The following TTC27 variants were observed in gnomAD, a reference collection of about 807,000 sequenced individuals.
The protein encoded by TTC27 is tetratricopeptide repeat domain 27, also known as tetratricopeptide repeat protein 27.
TTC27 carries 79 observed loss-of-function variants against 115.9 expected under a neutral mutation model. The ratio of observed to expected loss-of-function variants is 0.68; its 90% CI spans 0.57 to 0.82. TTC27 has a LOEUF of 0.82. Ranked by LOEUF, TTC27 falls within the 40% of genes least tolerant of loss-of-function variation. The pLI, the probability that TTC27 is intolerant of heterozygous loss-of-function variation, is 0.00. For missense variants in TTC27, 1,054 were observed against 993.1 expected (o/e 1.06, Z -0.82); for synonymous variants, 401 against 356.0 (o/e 1.13, Z -1.42).
chr2:32,808,837 T>G (rs944017536), intron 16 of TTC27, among the ~76,000 whole-genome samples: 6 of 152,230 alleles, frequency 3.9e-5, no homozygotes, highest in Admixed American at 1.3e-4. Flanking sequence ...AGTAACTATT[T>G]TAATAGACCA....
At chr2:32,716,394 G>A (rs576182883) in intron 10 of TTC27, among the ~76,000 whole-genome samples, 136 of 152,186 alleles carry the variant, frequency 8.9e-4, no homozygotes, top group African/African-American at 2.9e-3. Flanking sequence ...GTTCACTCAG[G>A]AGGATTTTAA....
chr2:32,782,594 G>A, intron 14 of TTC27, 32 bp from the exon 15 acceptor site: 17 of 1,598,092 alleles, frequency 1.1e-5, no homozygotes, highest in Non-Finnish European at 1.5e-5. Flanking sequence ...TAAATGAGAA[G>A]AGTTAATTAA....
chr2:32,690,581 A>G (rs1053278966), intron 9 of TTC27, among the ~76,000 whole-genome samples: 1 of 152,200 alleles, frequency 6.6e-6, no homozygotes, highest in African/African-American at 2.4e-5. Context: ...TGAACAACAG[A>G]TAGGGTTTAG....
At chr2:32,702,039 A>T (rs1667204980) in intron 9 of TTC27, among the ~76,000 whole-genome samples, 2 of 151,856 alleles carry the variant, frequency 1.3e-5, no homozygotes, top group Non-Finnish European at 2.9e-5. Context: ...AAACAAAAAA[A>T]ACCAGCTACC....
At chr2:32,660,468 AC>A (rs751534119) in intron 5 of TTC27, among the ~76,000 whole-genome samples, 12 of 152,124 alleles carry the variant, frequency 7.9e-5, no homozygotes, top group Non-Finnish European at 1.5e-4. Flanking sequence ...GAAGCTGGAA[AC>A]CATCATTCTC....
At chr2:32,664,095 T>C (rs1469532754) in intron 5 of TTC27, among the ~76,000 whole-genome samples, 1 of 152,158 alleles carries the variant, frequency 6.6e-6, no homozygotes, top group East Asian at 1.9e-4. Flanking sequence ...GTACATAATG[T>C]CCTTAGCTCA....
At chr2:32,677,180 C>G (rs986414175) in intron 8 of TTC27, among the ~76,000 whole-genome samples, 1 of 152,114 alleles carries the variant, frequency 6.6e-6, no homozygotes, top group Admixed American at 6.6e-5. Flanking sequence ...TGTTTTCTCT[C>G]ATTATTGTAT....
chr2:32,657,330 G>T (rs1559190686), intron 5 of TTC27, among the ~76,000 whole-genome samples: 1 of 150,500 alleles, frequency 6.6e-6, no homozygotes, highest in Non-Finnish European at 1.5e-5. Context: ...CTCTTAAATG[G>T]ACCGTAGAAA....
intron 4 of TTC27, among the ~76,000 whole-genome samples, chr2:32,644,514 G>C (rs984749913): frequency 6.6e-6 from 1 of 152,078 alleles, no homozygotes; most frequent in African/African-American, 2.4e-5. Context: ...AACAACTTTT[G>C]ACTTCTGCTT....
rs777398915 is a variant in TTC27, at chr2:32,801,190, T to C, written c.1999-9834T>C. 9.8e-5 allele frequency among the ~76,000 whole-genome samples: 15 copies of C among 152,318 alleles called. No homozygotes were observed. In the South Asian group the frequency reaches 1.0e-3, roughly 11 times the overall value. On this transcript the variant is annotated intron_variant, in intron 16 of 19. Transcript: ENST00000317907. The stretch of plus-strand genomic sequence containing the variant: ...CTGTCTTAGTCTTTCTGCTTAAAAA[T>C]GCAATGTTAGTTTTCTAGGGCTACA...
chr2:32,772,888 G>C (rs1383550449), intron 13 of TTC27, among the ~76,000 whole-genome samples: 2 of 152,036 alleles, frequency 1.3e-5, no homozygotes, highest in Non-Finnish European at 2.9e-5. Flanking sequence ...TTTTAGCCTA[G>C]TCCACCCCTG....
At chr2:32,659,481 T>G (rs1665454332) in intron 5 of TTC27, among the ~76,000 whole-genome samples, 1 of 152,114 alleles carries the variant, frequency 6.6e-6, no homozygotes, top group Admixed American at 6.6e-5. Context: ...TAAAAATATG[T>G]TTAACTGTTG....
chr2:32,730,689 T>C (rs1668265091), intron 10 of TTC27, among the ~76,000 whole-genome samples: 1 of 151,768 alleles, frequency 6.6e-6, no homozygotes, highest in African/African-American at 2.4e-5. Flanking sequence ...TGGCGTGATC[T>C]TGACTCACTG....
chr2:32,818,733 A>C (rs1671588037), intron 19 of TTC27, among the ~76,000 whole-genome samples: 1 of 152,152 alleles, frequency 6.6e-6, no homozygotes, highest in Non-Finnish European at 1.5e-5. Flanking sequence ...TTGCAAAGTA[A>C]TTTTGACTTA....
chr2:32,681,571 C>A (rs915289658), intron 9 of TTC27, among the ~76,000 whole-genome samples: 2 of 151,850 alleles, frequency 1.3e-5, no homozygotes, highest in Non-Finnish European at 2.9e-5. Context: ...CAAGTAGAAA[C>A]CATACTTTGA....
intron 12 of TTC27, among the ~76,000 whole-genome samples, chr2:32,748,459 T>C (rs1668901282): frequency 6.6e-6 from 1 of 152,196 alleles, no homozygotes; most frequent in Admixed American, 6.5e-5. Flanking sequence ...GTTTATAGCA[T>C]TATTCATGTC....
intron 15 of TTC27, among the ~76,000 whole-genome samples, 181 bp downstream of exon 15, chr2:32,782,859 C>A (rs1020549221): frequency 6.6e-6 from 1 of 152,040 alleles, no homozygotes; most frequent in African/African-American, 2.4e-5. Context: ...TCTAAATATA[C>A]AGTTTATTTC....
intron 13 of TTC27, among the ~76,000 whole-genome samples, chr2:32,773,279 CCTCT>C (rs1669889092): frequency 6.6e-6 from 1 of 152,182 alleles, no homozygotes; most frequent in African/African-American, 2.4e-5. Flanking sequence ...TCAACCAGGG[CCTCT>C]CTATCAGGTG....
chr2:32,628,144 C>G lies in TTC27; in HGVS notation c.-149C>G. 1.4e-6 allele frequency: 1 copy of G among 712,578 alleles called. No individual in the cohort carries two copies. The highest frequency in any genetic ancestry group is 2.9e-5 in the East Asian group (1 of 34,232). 44.1% of individuals were successfully genotyped at this position (712,578 alleles called of 1,614,324 possible). A position where few individuals can be genotyped will look rare whatever the true frequency, so the allele number is the denominator to read the frequency against. Reference sequence around the variant, plus strand: ...GGCCGCCTCCTTGAGGTAGTATCCGCACATGGAATTCTAGGGCCGCAGGTG... The same window carrying G: ...GGCCGCCTCCTTGAGGTAGTATCCGGACATGGAATTCTAGGGCCGCAGGTG... On this transcript the variant is annotated 5_prime_UTR_variant, in exon 1 of 20. Coordinates refer to ENST00000317907, the MANE Select transcript of TTC27 (RefSeq NM_017735.5).
Sources: gnomAD v4.1 joint callset for allele counts (sites outside exome capture counted in the v4.1 genomes callset) on GRCh38, gnomAD v4.1.1 for gene constraint, MANE v1.5 for transcripts, NCBI Gene and HGNC (gene_info 2026-07-23, HGNC 2026-07-21) for gene names.